STAB1: variants seen among roughly 807,000 people sequenced by gnomAD.
STAB1 encodes stabilin-1.
A neutral mutation model predicts 332.4 loss-of-function variants in STAB1; 250 were observed. The ratio of observed to expected loss-of-function variants is 0.75; its 90% CI spans 0.68 to 0.84. STAB1 has a LOEUF of 0.84. STAB1 is among the 40% of genes least tolerant of loss of function. The pLI is 0.00. For synonymous variants in STAB1, 1,475 were observed against 1,390.4 expected, an observed-to-expected ratio of 1.06 and a Z score of -1.35; for missense variants, 3,249 against 3,489.7, an observed-to-expected ratio of 0.93 and a Z score of 1.74.
intron 49 of STAB1, 41 bp from the exon 50 acceptor site, chr3:52,519,464 C>T: frequency 1.2e-6 from 2 of 1,612,680 alleles, no homozygotes; most frequent in South Asian, 1.1e-5. Flanking sequence ...GGGATCCTCC[C>T]TTCCCGCCTG....
chr3:52,510,881 C>G (rs1709252561), intron 25 of STAB1, among the ~76,000 whole-genome samples: 2 of 152,226 alleles, frequency 1.3e-5, no homozygotes, highest in African/African-American at 4.8e-5. Flanking sequence ...AACCTGGAGC[C>G]TTCCATGTGG....
Position 52,501,716 on chromosome 3 carries a change from G to A in STAB1, c.294G>A (p.Lys98=), listed in dbSNP as rs774188610. ...RRKCRKQVVQ[K]ACCPGYWGSR... ...AGTGCCGGAAGCAAGTGGTGCAGAA[G>A]GCCTGCTGCCCTGGCTACTGGGGTT... is the stretch of plus-strand genomic sequence containing the variant. The change falls in exon 3 of 69, where the codon AAG becomes AAA. Residue 98 remains lysine, a synonymous_variant. Transcript: ENST00000321725. The A allele has an allele frequency of 1.9e-6, 3 of 1,577,228 alleles. No individual in the cohort carries two copies. Among genetic ancestry groups the A allele is most frequent in the Non-Finnish European group, 2.6e-6 (3 of 1,162,396 alleles).
rs755807661 is a variant in STAB1, at chr3:52,523,239, C to T, written c.7038C>T (p.Ala2346=). ...CGTGCCAGATGCTATTGGGCTATGC[C>T]AATGCCACCCAGCGGGGTCTCGACT... ...STFYGMLLGY[A]NATQRGLDFL... is the part of the protein sequence containing the mutation. The change falls in exon 64 of 69, where the codon GCC becomes GCT. Residue 2346 remains alanine, a synonymous_variant. Coordinates refer to ENST00000321725, the MANE Select transcript of STAB1 (RefSeq NM_015136.3). 21 of 1,613,138 alleles carry T rather than the reference C, an allele frequency of 1.3e-5. No homozygotes were observed. In the South Asian group the frequency reaches 1.6e-4, roughly 13 times the overall value.
In STAB1 at chr3:52,514,161, T is replaced by C; in HGVS notation, c.3494T>C (p.Ile1165Thr). The change falls in exon 33 of 69, where the codon ATC becomes ACC. Residue 1165 changes from isoleucine to threonine, a missense_variant. By Grantham distance (89) the Ile-to-Thr change is moderately conservative (BLOSUM62 -1). Transcript: ENST00000321725. The stretch of plus-strand genomic sequence containing the variant: ...ATTGAGGCTGCCACTGCCTACACCA[T>C]CTTTGTGCCCACCAACCGCTCCCTG... ...PQIEAATAYT[I>T]FVPTNRSLEA... 1.2e-6 allele frequency: 2 copies of C among 1,613,372 alleles called. No individual in the cohort carries two copies. Among genetic ancestry groups the C allele is most frequent in the Non-Finnish European group, 1.7e-6 (2 of 1,179,978 alleles).
rs371526383 is a variant in STAB1 at position 52,517,256 on chromosome 3, A to G, written c.4490-64A>G. On this transcript the variant is annotated intron_variant, in intron 42 of 68. Transcript: ENST00000321725. ...AGGAGGGGGTGGGACAGATGAAGGT[A>G]CAAAGGACAGAGGAAGGGGGGGGCC... 298 of 1,497,430 alleles carry G rather than the reference A, an allele frequency of 2.0e-4. 2 individuals are homozygous for G. In the Middle Eastern group the frequency reaches 2.5e-3, roughly 13 times the overall value. 92.8% of individuals were successfully genotyped at this position (1,497,430 alleles called of 1,614,324 possible).
rs780631898 is a variant in STAB1 at position 52,505,789 on chromosome 3, C to T, written c.1695+8C>T. 2.5e-6 allele frequency: 4 copies of T among 1,613,862 alleles called. No homozygotes were observed. Among genetic ancestry groups the T allele is most frequent in the Non-Finnish European group, 1.7e-6 (2 of 1,180,018 alleles). ...ATCTACCTCTTCACAGCGGTAAGCT[C>T]AGCGGGAGAAGGGGCTGCGGGTATG... On this transcript the variant is annotated splice_region_variant and intron_variant, in intron 15 of 68. Coordinates refer to ENST00000321725, the MANE Select transcript of STAB1 (RefSeq NM_015136.3).
chr3:52,508,411 C>T, intron 21 of STAB1, 52 bp downstream of exon 21: 2 of 1,587,804 alleles, frequency 1.3e-6, no homozygotes, highest in Non-Finnish European at 8.6e-7. Context: ...AGGACTCCTT[C>T]ACCGGTTGGC....
In STAB1 at chr3:52,513,897, C is replaced by G. The variant is rs1035810298; in HGVS notation, c.3363C>G (p.Pro1121=). Residue 1121 remains proline (P), a synonymous_variant, in exon 32 of 69, where the codon CCC becomes CCG. Transcript: ENST00000321725. ...CTCTGTACCAGGTCTTACTGCCCCC[C>G]CGAGGGGATGTGCCCGGTGGGCAGG... ...LHILSQVLLP[P]RGDVPGGQGL... is the part of the protein sequence containing the mutation. 3.1e-6 allele frequency: 5 copies of G among 1,604,718 alleles called. No homozygotes were observed. The highest frequency in any genetic ancestry group is 2.7e-5 in the African/African-American group (2 of 74,942).
Position 52,505,391 on chromosome 3 carries a change from G to C in STAB1, c.1581+10G>C, listed in dbSNP as rs1708778383. ...TGAAACCATCCTGGAGGTAAGCTCG[G>C]GGGAGGGGTCCTAGCCCATGTGGGC... On this transcript the variant is annotated intron_variant, in intron 14 of 68. Transcript: ENST00000321725. 1 of 1,612,594 alleles carries C rather than the reference G, an allele frequency of 6.2e-7. No homozygotes were observed. The highest frequency in any genetic ancestry group is 8.5e-7 in the Non-Finnish European group (1 of 1,179,454).
chr3:52,509,496 C>G, intron 22 of STAB1, 175 bp downstream of exon 22: 1 of 610,388 alleles, frequency 1.6e-6, no homozygotes, highest in Non-Finnish European at 2.8e-6. Context: ...GGAAACGAAG[C>G]CCCAGGAGGA....
In STAB1 at chr3:52,501,240, G is replaced by GAAGCAGACGTGTCC; in HGVS notation, c.154_167dup (p.Gly58ArgfsTer15). 2 of 1,613,814 alleles carry GAAGCAGACGTGTCC rather than the reference G, an allele frequency of 1.2e-6. No individual in the cohort carries two copies. The highest frequency in any genetic ancestry group is 1.7e-6 in the Non-Finnish European group (2 of 1,180,026). On this transcript the variant is annotated frameshift_variant, in exon 2 of 69. Transcript: ENST00000321725. LOFTEE classifies it high-confidence loss of function. ...CCTGCACCTCGTGCGCGGCCATCAA[G>GAAGCAGACGTGTCC]AAGCAGACGTGTCCCTCAGGCTGGC...
At position 52,516,116 on chromosome 3, in the gene STAB1, C is replaced by T. The variant is rs2078853416; in HGVS notation, c.4022C>T (p.Ser1341Leu). 2 of 1,611,840 alleles carry T rather than the reference C, an allele frequency of 1.2e-6. No homozygotes were observed. Among genetic ancestry groups the T allele is most frequent in the East Asian group, 4.5e-5 (2 of 44,850 alleles). ...PCPGGLGGVC[S>L]GHGQCQDRFL... The stretch of plus-strand genomic sequence containing the variant: ...CCAGGGGGTCTAGGGGGGGTGTGCT[C>T]AGGCCATGGGCAGTGCCAGGACAGG... The change falls in exon 38 of 69, where the codon TCA (serine) becomes TTA (leucine). Residue 1341 changes from serine (S) to leucine (L), a missense_variant. Coordinates refer to ENST00000321725, the MANE Select transcript of STAB1 (RefSeq NM_015136.3).
Position 52,524,474 on chromosome 3 carries a change from C to G in STAB1, c.*118C>G. ...TCCCAGACAATAAAGGTGCCCTCAG[C>G]GGATGTGGGCCATGTCACCAAGGAA... On this transcript the variant is annotated 3_prime_UTR_variant, in exon 69 of 69. Coordinates refer to ENST00000321725, the MANE Select transcript of STAB1 (RefSeq NM_015136.3). 6.2e-7 allele frequency: 1 copy of G among 1,612,698 alleles called. No homozygotes were observed. The highest frequency in any genetic ancestry group is 8.5e-7 in the Non-Finnish European group (1 of 1,179,990).
At chr3:52,498,987 G>A (rs1239278402) in intron 1 of STAB1, among the ~76,000 whole-genome samples, 1 of 152,238 alleles carries the variant, frequency 6.6e-6, no homozygotes, top group East Asian at 1.9e-4. Context: ...CAGAGGCTCT[G>A]GGGCCCTGGT....
chr3:52,519,726 C>T, intron 50 of STAB1, 162 bp downstream of exon 50: 1 of 1,217,618 alleles, frequency 8.2e-7, no homozygotes, highest in Admixed American at 2.1e-5. Flanking sequence ...TGTGCATGTG[C>T]ACCCCAGGTT....
chr3:52,516,508 T>C, intron 39 of STAB1, 34 bp from the exon 40 acceptor site: 1 of 1,613,324 alleles, frequency 6.2e-7, no homozygotes, highest in South Asian at 1.1e-5. Flanking sequence ...TGTTCCTGGG[T>C]CTGAATGACC....
intron 30 of STAB1, among the ~76,000 whole-genome samples, 186 bp downstream of exon 30, chr3:52,513,427 G>C (rs1449041808): frequency 6.6e-6 from 1 of 152,198 alleles, no homozygotes; most frequent in Non-Finnish European, 1.5e-5. Context: ...CGCTGGGCCA[G>C]GAGTGACTGC....
intron 20 of STAB1, 79 bp from the exon 21 acceptor site, chr3:52,508,193 TG>T (rs1709023099): frequency 1.4e-6 from 2 of 1,436,420 alleles, no homozygotes; most frequent in African/African-American, 2.8e-5. Context: ...ACTCTGGAGA[TG>T]GGGCCAGGGA....
chr3:52,511,847 C>T, intron 26 of STAB1, 102 bp downstream of exon 26: 1 of 912,750 alleles, frequency 1.1e-6, no homozygotes, highest in Non-Finnish European at 1.6e-6. Flanking sequence ...TCTCTGTACC[C>T]CCTCAGGATT....
Sources: allele counts gnomAD v4.1 joint callset (sites outside exome capture counted in the v4.1 genomes callset), GRCh38; gene constraint gnomAD v4.1.1; transcripts MANE v1.5; gene names NCBI Gene and HGNC (gene_info 2026-07-23, HGNC 2026-07-21).